The following PDS5A variants were observed in gnomAD, a reference collection of about 807,000 sequenced individuals.
The protein encoded by PDS5A is sister chromatid cohesion protein PDS5 homolog A.
In PDS5A, 42 loss-of-function variants were observed where a neutral mutation model predicts 167.1. That is an observed-to-expected ratio of 0.25 (90% CI 0.20 to 0.33). The LOEUF is 0.33. Among genes scored for constraint, PDS5A ranks in the 10% least tolerant of loss-of-function variants. The pLI, the probability that PDS5A is intolerant of heterozygous loss-of-function variation, is 1.00. For missense variants in PDS5A, 1,033 were observed against 1,605.9 expected (o/e 0.64, Z 6.10); for synonymous variants, 553 against 554.6 (o/e 1.00, Z 0.04).
intron 2 of PDS5A, among the ~76,000 whole-genome samples, chr4:39,929,346 A>G (rs935613525): frequency 6.6e-6 from 1 of 151,666 alleles, no homozygotes; most frequent in Non-Finnish European, 1.5e-5. Flanking sequence ...GAAAAACATG[A>G]AAAGGGACGG....
chr4:39,845,956 G>C (rs1262978146), intron 28 of PDS5A, 76 bp from the exon 29 acceptor site: 1 of 1,142,452 alleles, frequency 8.8e-7, no homozygotes, highest in African/African-American at 1.6e-5. Context: ...ATCTCAATAA[G>C]GCTTTTTAGG....
chr4:39,934,769 A>C (rs1001452345), intron 2 of PDS5A, among the ~76,000 whole-genome samples: 2 of 151,260 alleles, frequency 1.3e-5, no homozygotes, highest in Admixed American at 6.6e-5. Context: ...ACATTCCAGC[A>C]CTCTATAAAT....
At chr4:39,900,085 G>C (rs1578699188) in intron 14 of PDS5A, among the ~76,000 whole-genome samples, 2 of 152,052 alleles carry the variant, frequency 1.3e-5, no homozygotes, top group South Asian at 2.1e-4. Context: ...TACACTGAGA[G>C]ACCATGAATC....
intron 11 of PDS5A, among the ~76,000 whole-genome samples, chr4:39,906,937 A>C (rs968579750): frequency 3.3e-5 from 5 of 151,442 alleles, no homozygotes; most frequent in Admixed American, 1.3e-4. Flanking sequence ...AAAAAAAAAA[A>C]AAAAAACAAG....
intron 19 of PDS5A, among the ~76,000 whole-genome samples, chr4:39,875,760 C>T (rs1357020596): frequency 6.6e-6 from 1 of 152,156 alleles, no homozygotes; most frequent in Non-Finnish European, 1.5e-5. Context: ...TTCCTCTCTC[C>T]TATCTGTTTA....
chr4:39,924,008 AAC>A (rs552047708), intron 5 of PDS5A, among the ~76,000 whole-genome samples: 13 of 152,302 alleles, frequency 8.5e-5, no homozygotes, highest in Non-Finnish European at 1.3e-4. Flanking sequence ...AAGAATTTCA[AAC>A]AGACAAATGA....
intron 22 of PDS5A, among the ~76,000 whole-genome samples, chr4:39,867,369 T>C (rs750482573): frequency 2.6e-5 from 4 of 151,954 alleles, no homozygotes; most frequent in Non-Finnish European, 5.9e-5. Flanking sequence ...TTTGAAACTA[T>C]TTGAAAACAT....
rs561979504 is a variant in PDS5A at position 39,869,140 on chromosome 4, T to C, written c.2505+254A>G. Among the ~76,000 whole-genome samples, 38 of 152,312 alleles carry C rather than the reference T, an allele frequency of 2.5e-4. No individual in the cohort carries two copies. The South Asian group carries it at 7.7e-3, about 31-fold the overall frequency. Reference sequence around the variant, plus strand: ...GCAATGGATTTTAAAATAAAGTACCTCCTTAACAAATGCTTATTAACTATT... The same window carrying C: ...GCAATGGATTTTAAAATAAAGTACCCCCTTAACAAATGCTTATTAACTATT... On this transcript the variant is annotated intron_variant, in intron 22 of 32. Coordinates refer to ENST00000303538, the MANE Select transcript of PDS5A (RefSeq NM_001100399.2).
At chr4:39,840,049 G>T (rs1279804980) in intron 31 of PDS5A, among the ~76,000 whole-genome samples, 2 of 152,106 alleles carry the variant, frequency 1.3e-5, no homozygotes, top group East Asian at 3.9e-4. Context: ...AGCTGAGATT[G>T]TGCCACTGCA....
chr4:39,926,183 TAAG>T (rs1468477099), intron 4 of PDS5A, among the ~76,000 whole-genome samples: 9 of 151,780 alleles, frequency 5.9e-5, no homozygotes, highest in Non-Finnish European at 1.0e-4. Flanking sequence ...ATACAAAATT[TAAG>T]AAGCAGTAAA....
At position 39,920,871 on chromosome 4, in the gene PDS5A, T is replaced by C. The variant is rs561480705; in HGVS notation, c.655-472A>G. Among the ~76,000 whole-genome samples the C allele has an allele frequency of 1.2e-4, 18 of 152,328 alleles. No individual in the cohort carries two copies. The South Asian group carries it at 2.9e-3, about 25-fold the overall frequency. ...CAAATAAAAAGCGTTCTTGATCAAT[T>C]GTATTTTTGAAATGCTTAATACTAT... On this transcript the variant is annotated intron_variant, in intron 6 of 32. Transcript: ENST00000303538.
At chr4:39,931,057 C>T (rs542937941) in intron 2 of PDS5A, among the ~76,000 whole-genome samples, 5 of 152,234 alleles carry the variant, frequency 3.3e-5, no homozygotes, top group African/African-American at 1.2e-4. Context: ...CCTGTAATCC[C>T]AGCACTTTGG....
At chr4:39,939,689 T>C (rs913547086) in intron 2 of PDS5A, among the ~76,000 whole-genome samples, 10 of 151,732 alleles carry the variant, frequency 6.6e-5, no homozygotes, top group African/African-American at 2.4e-4. Context: ...CCCAGGTACT[T>C]GGGTCACTGA....
At chr4:39,964,526 C>T (rs574312529) in intron 2 of PDS5A, among the ~76,000 whole-genome samples, 6 of 152,194 alleles carry the variant, frequency 3.9e-5, no homozygotes, top group Middle Eastern at 3.4e-3. Flanking sequence ...CAACGTAGAG[C>T]GACCCCCAAA....
intron 10 of PDS5A, 38 bp from the exon 11 acceptor site, chr4:39,908,578 C>T (rs749155118): frequency 7.6e-7 from 1 of 1,308,356 alleles, no homozygotes; most frequent in South Asian, 1.2e-5. Flanking sequence ...TAAATGTTAG[C>T]TATGTAATTT....
At chr4:39,965,756 A>C (rs1729913905) in intron 2 of PDS5A, among the ~76,000 whole-genome samples, 1 of 152,188 alleles carries the variant, frequency 6.6e-6, no homozygotes, top group African/African-American at 2.4e-5. Context: ...GACAAAAAGC[A>C]GAATGGTTGT....
intron 2 of PDS5A, among the ~76,000 whole-genome samples, chr4:39,943,049 C>A (rs1454782216): frequency 1.3e-5 from 2 of 151,180 alleles, no homozygotes; most frequent in Non-Finnish European, 2.9e-5. Context: ...TTTACATATT[C>A]TAGATTTCAG....
At chr4:39,828,815 A>G (rs1715552119) in intron 32 of PDS5A, among the ~76,000 whole-genome samples, 2 of 152,202 alleles carry the variant, frequency 1.3e-5, no homozygotes, top group Admixed American at 6.6e-5. Context: ...CTCTTTTGAG[A>G]TATTACTGCA....
chr4:39,851,328 T>C (rs1718105192), intron 26 of PDS5A, among the ~76,000 whole-genome samples: 1 of 150,300 alleles, frequency 6.7e-6, no homozygotes, highest in Admixed American at 6.7e-5. Flanking sequence ...TGAGACAGAG[T>C]CTTGCTTGCC....
Sources: gnomAD v4.1 joint callset for allele counts (sites outside exome capture counted in the v4.1 genomes callset) on GRCh38, gnomAD v4.1.1 for gene constraint, MANE v1.5 for transcripts, NCBI Gene and HGNC (gene_info 2026-07-23, HGNC 2026-07-21) for gene names.